Variants in PSD3 observed in about 807,000 individuals in gnomAD.
The protein encoded by PSD3 is PH and SEC7 domain-containing protein 3.
Under a neutral mutation model 105.5 loss-of-function variants are expected in PSD3, and 49 were observed. That is an observed-to-expected ratio of 0.46 (90% CI 0.37 to 0.59). The LOEUF (loss-of-function observed/expected upper bound fraction) is 0.59, where lower values mean the gene tolerates loss of function less well. PSD3 is among the 20% of genes least tolerant of loss of function. The pLI, the probability that PSD3 is intolerant of heterozygous loss-of-function variation, is 0.00. For missense variants in PSD3, 1,561 were observed against 1,263.8 expected (o/e 1.24, Z -3.57); for synonymous variants, 557 against 457.8 (o/e 1.22, Z -2.77).
intron 14 of PSD3, among the ~76,000 whole-genome samples, chr8:18,565,579 T>A (rs1271784815): frequency 8.5e-5 from 11 of 129,144 alleles, no homozygotes; most frequent in Admixed American, 8.0e-4. Context: ...CACCAAACAA[T>A]CTTTTAATTG....
chr8:18,644,250 A>C (rs902170348), intron 10 of PSD3, among the ~76,000 whole-genome samples: 1 of 152,248 alleles, frequency 6.6e-6, no homozygotes, highest in Non-Finnish European at 1.5e-5. Flanking sequence ...AACATTTTCA[A>C]AATCTTTCTT....
At chr8:18,692,367 A>G (rs945192584) in intron 9 of PSD3, among the ~76,000 whole-genome samples, 5 of 152,202 alleles carry the variant, frequency 3.3e-5, no homozygotes, top group African/African-American at 1.2e-4. Context: ...CAGCTCTGGA[A>G]GTCTCTGACA....
At chr8:18,996,035 A>G (rs1464711538) in intron 1 of PSD3, among the ~76,000 whole-genome samples, 1 of 151,954 alleles carries the variant, frequency 6.6e-6, no homozygotes, top group East Asian at 1.9e-4. Flanking sequence ...CACTTCAACA[A>G]TGTCCCCAGG....
intron 2 of PSD3, among the ~76,000 whole-genome samples, chr8:18,922,791 A>G (rs1821113868): frequency 6.6e-6 from 1 of 152,164 alleles, no homozygotes; most frequent in Non-Finnish European, 1.5e-5. Context: ...ACAGGGAACC[A>G]CTTATGTTTA....
At chr8:19,060,414 C>A (rs1021941413) in intron 1 of PSD3, among the ~76,000 whole-genome samples, 4 of 152,152 alleles carry the variant, frequency 2.6e-5, no homozygotes, top group African/African-American at 9.7e-5. Context: ...TTATATATAG[C>A]TCCACTCTAA....
chr8:18,681,645 G>C (rs1046361947), intron 9 of PSD3, among the ~76,000 whole-genome samples: 1 of 151,956 alleles, frequency 6.6e-6, no homozygotes, highest in Admixed American at 6.6e-5. Flanking sequence ...ATTAAGTTCA[G>C]TAATTTAGGG....
At chr8:18,815,412 G>A (rs953377076) in intron 4 of PSD3, among the ~76,000 whole-genome samples, 5 of 152,036 alleles carry the variant, frequency 3.3e-5, no homozygotes, top group African/African-American at 4.8e-5. Context: ...GGGTTCAAGC[G>A]ATTCTCCTGC....
At chr8:18,649,108 G>T (rs1456709328) in intron 10 of PSD3, among the ~76,000 whole-genome samples, 1 of 152,192 alleles carries the variant, frequency 6.6e-6, no homozygotes, top group Non-Finnish European at 1.5e-5. Flanking sequence ...ATGGGTCACT[G>T]CTTAGTGGAG....
intron 1 of PSD3, among the ~76,000 whole-genome samples, chr8:18,979,075 G>A (rs1346383357): frequency 6.6e-6 from 1 of 151,994 alleles, no homozygotes; most frequent in African/African-American, 2.4e-5. Flanking sequence ...GGACGAATGG[G>A]TAAGAAGAGA....
chr8:18,866,327 A>G (rs1326487516), intron 4 of PSD3, among the ~76,000 whole-genome samples: 1 of 152,200 alleles, frequency 6.6e-6, no homozygotes, highest in Non-Finnish European at 1.5e-5. Flanking sequence ...TCTCAGAGAT[A>G]CAAGAAGTCT....
intron 1 of PSD3, among the ~76,000 whole-genome samples, chr8:18,986,463 G>T (rs1586580639): frequency 6.6e-6 from 1 of 151,442 alleles, no homozygotes; most frequent in Non-Finnish European, 1.5e-5. Context: ...TACACTCAAG[G>T]ATCAGGGAAT....
chr8:18,880,367 G>A (rs1818030812), intron 2 of PSD3, among the ~76,000 whole-genome samples: 1 of 152,102 alleles, frequency 6.6e-6, no homozygotes, highest in Non-Finnish European at 1.5e-5. Context: ...TCAAAACTGA[G>A]TATTTCCAGA....
intron 8 of PSD3, among the ~76,000 whole-genome samples, chr8:18,782,590 G>T (rs1004478869): frequency 6.6e-6 from 1 of 152,220 alleles, no homozygotes; most frequent in Non-Finnish European, 1.5e-5. Flanking sequence ...CAGGATCTCG[G>T]TCAACACACG....
At chr8:18,568,648 G>A (rs1218860475) in intron 14 of PSD3, among the ~76,000 whole-genome samples, 3 of 151,672 alleles carry the variant, frequency 2.0e-5, no homozygotes, top group African/African-American at 7.3e-5. Context: ...TCTCTCCTCT[G>A]GATTACTGAA....
At chr8:19,031,882 C>A (rs1317378750) in intron 1 of PSD3, among the ~76,000 whole-genome samples, 1 of 152,078 alleles carries the variant, frequency 6.6e-6, no homozygotes, top group Non-Finnish European at 1.5e-5. Flanking sequence ...ATGAGAAAAC[C>A]CTTTTAAAGA....
chr8:18,896,405 T>C (rs902204301), intron 2 of PSD3, among the ~76,000 whole-genome samples: 4 of 152,212 alleles, frequency 2.6e-5, no homozygotes, highest in African/African-American at 7.2e-5. Flanking sequence ...TGTTTTTCCT[T>C]AGTGGCTATA....
chr8:18,868,174 T>C (rs1370692572), intron 3 of PSD3, 105 bp from the exon 4 acceptor site: 22 of 1,242,868 alleles, frequency 1.8e-5, no homozygotes, highest in Non-Finnish European at 2.5e-5. Flanking sequence ...CTAACTCTTC[T>C]ATTCATTGAC....
At chr8:18,922,452 C>G (rs114481091) in intron 2 of PSD3, among the ~76,000 whole-genome samples, 1 of 152,294 alleles carries the variant, frequency 6.6e-6, no homozygotes, top group African/African-American at 2.4e-5. Flanking sequence ...CAGGAATAAA[C>G]TAAACGGAAG....
chr8:19,028,345 T>C (rs1391538554), intron 1 of PSD3, among the ~76,000 whole-genome samples: 4 of 145,848 alleles, frequency 2.7e-5, no homozygotes, highest in Non-Finnish European at 6.0e-5. Context: ...ATTGTGTAGA[T>C]TGTGAAGCCA....
Sources: allele counts gnomAD v4.1 joint callset (sites outside exome capture counted in the v4.1 genomes callset), GRCh38; gene constraint gnomAD v4.1.1; transcripts MANE v1.5; gene names NCBI Gene and HGNC (gene_info 2026-07-23, HGNC 2026-07-21).